Variants in ATF6 observed in about 807,000 individuals in gnomAD.
ATF6 encodes the protein cyclic AMP-dependent transcription factor ATF-6 alpha.
Under a neutral mutation model 83.6 loss-of-function variants are expected in ATF6, and 53 were observed. The ratio of observed to expected loss-of-function variants is 0.63; its 90% CI spans 0.51 to 0.80. The LOEUF (loss-of-function observed/expected upper bound fraction) is 0.80, where lower values mean the gene tolerates loss of function less well. ATF6 is among the 30% of genes least tolerant of loss of function. The pLI is 0.00. For missense variants in ATF6, 744 were observed against 797.9 expected, an observed-to-expected ratio of 0.93 and a Z score of 0.81; for synonymous variants, 288 against 285.8, an observed-to-expected ratio of 1.01 and a Z score of -0.08.
chr1:161,925,428 A>G (rs1292551519), intron 15 of ATF6, among the ~76,000 whole-genome samples: 1 of 145,628 alleles, frequency 6.9e-6, no homozygotes, highest in Non-Finnish European at 1.5e-5. Flanking sequence ...TGAATTTAGA[A>G]CTGTGTTTTT....
At chr1:161,858,828 T>A (rs1356506392) in intron 12 of ATF6, among the ~76,000 whole-genome samples, 1 of 152,184 alleles carries the variant, frequency 6.6e-6, no homozygotes, top group Non-Finnish European at 1.5e-5. Flanking sequence ...GTAAACGGAA[T>A]ATCTGTTTTC....
chr1:161,795,483 A>T (rs557103805), intron 6 of ATF6, among the ~76,000 whole-genome samples: 13 of 152,220 alleles, frequency 8.5e-5, no homozygotes, highest in Non-Finnish European at 1.8e-4. Flanking sequence ...AGTACAGATT[A>T]TTTGCCCTAA....
At chr1:161,781,108 A>G (rs1461971877) in intron 2 of ATF6, among the ~76,000 whole-genome samples, 2 of 152,176 alleles carry the variant, frequency 1.3e-5, no homozygotes, top group African/African-American at 4.8e-5. Context: ...TACTAACTTG[A>G]TCTCAGACTT....
At chr1:161,858,671 GA>G (rs1686816362) in intron 12 of ATF6, among the ~76,000 whole-genome samples, 1 of 152,168 alleles carries the variant, frequency 6.6e-6, no homozygotes, top group African/African-American at 2.4e-5. Context: ...CATAACTGGA[GA>G]TTTTAACATC....
At chr1:161,811,760 C>CATCT (rs1685467845) in intron 7 of ATF6, among the ~76,000 whole-genome samples, 1 of 127,750 alleles carries the variant, frequency 7.8e-6, no homozygotes, top group African/African-American at 2.9e-5. Flanking sequence ...ACCATCCAAC[C>CATCT]ATCCATCCAT....
intron 6 of ATF6, among the ~76,000 whole-genome samples, chr1:161,797,519 C>T (rs560466862): frequency 6.6e-6 from 1 of 152,184 alleles, no homozygotes; most frequent in South Asian, 2.1e-4. Flanking sequence ...TTTCTATACC[C>T]CAGTAATGTC....
At chr1:161,912,677 G>A (rs1688015255) in intron 15 of ATF6, among the ~76,000 whole-genome samples, 2 of 152,128 alleles carry the variant, frequency 1.3e-5, no homozygotes, top group Admixed American at 1.3e-4. Flanking sequence ...TGTAGTGTAA[G>A]AAGCCCCTGC....
intron 9 of ATF6, among the ~76,000 whole-genome samples, chr1:161,845,978 T>G (rs1457053672): frequency 1.3e-5 from 2 of 152,138 alleles, no homozygotes; most frequent in East Asian, 3.9e-4. Flanking sequence ...TAGCTTTATC[T>G]GATAGCCTGC....
At chr1:161,869,903 T>G (rs189815447) in intron 14 of ATF6, among the ~76,000 whole-genome samples, 7 of 151,946 alleles carry the variant, frequency 4.6e-5, no homozygotes, top group Admixed American at 2.0e-4. Context: ...ACAAGTATTC[T>G]TAGTCCTATT....
At chr1:161,893,013 C>T (rs778824759) in intron 14 of ATF6, among the ~76,000 whole-genome samples, 3 of 152,142 alleles carry the variant, frequency 2.0e-5, no homozygotes, top group Non-Finnish European at 4.4e-5. Flanking sequence ...ATTGTCTTCT[C>T]AACAGTAAGC....
chr1:161,772,036 T>C (rs942680341), intron 1 of ATF6, among the ~76,000 whole-genome samples: 3 of 152,246 alleles, frequency 2.0e-5, no homozygotes, highest in Admixed American at 6.5e-5. Flanking sequence ...TCTGACTGCC[T>C]TCGCCTGTTT....
chr1:161,953,307 G>A (rs966464260), intron 15 of ATF6, among the ~76,000 whole-genome samples: 1 of 152,100 alleles, frequency 6.6e-6, no homozygotes, highest in Non-Finnish European at 1.5e-5. Context: ...TCACAGAACG[G>A]CCAGCATCCC....
chr1:161,942,386 G>A (rs1042437520), intron 15 of ATF6, among the ~76,000 whole-genome samples: 9 of 152,204 alleles, frequency 5.9e-5, no homozygotes, highest in Non-Finnish European at 1.3e-4. Flanking sequence ...GCTCCAGAAT[G>A]CAGTGACACC....
rs972766076 is a variant in ATF6, at chr1:161,961,638, G to A, written c.*2984G>A. The stretch of plus-strand genomic sequence containing the variant: ...CAGCCAGAAATTGTGGGTAATGTGT[G>A]TATTTTTTTATTTATTAAATTTTAA... On this transcript the variant is annotated 3_prime_UTR_variant, in exon 16 of 16. Transcript: ENST00000367942. 2.7e-5 allele frequency: 4 copies of A among 150,538 alleles called. No homozygotes were observed. Among genetic ancestry groups the A allele is most frequent in the African/African-American group, 9.8e-5 (4 of 41,006 alleles). The allele number at this position is 150,538 out of a possible 1,614,324, so 9.3% of individuals were successfully genotyped here. A position where few individuals can be genotyped will look rare whatever the true frequency, so the allele number is the denominator to read the frequency against.
chr1:161,785,880 A>G (rs1446422274), intron 4 of ATF6, among the ~76,000 whole-genome samples: 1 of 152,090 alleles, frequency 6.6e-6, no homozygotes, highest in Non-Finnish European at 1.5e-5. Flanking sequence ...TTTTATTATA[A>G]GTATGGTTAA....
chr1:161,843,255 C>G (rs555681754), intron 9 of ATF6, among the ~76,000 whole-genome samples: 1 of 151,040 alleles, frequency 6.6e-6, no homozygotes, highest in Admixed American at 6.7e-5. Flanking sequence ...AGTATGCAAA[C>G]TCCACACAGA....
At position 161,897,303 on chromosome 1, in the gene ATF6, A is replaced by ATGCACC. The variant is rs547662773; in HGVS notation, c.1720-14990_1720-14985dup. 8.4e-3 allele frequency among the ~76,000 whole-genome samples: 1,269 copies of ATGCACC among 151,900 alleles called. 9 individuals are homozygous for ATGCACC. Among genetic ancestry groups the ATGCACC allele is most frequent in the Middle Eastern group, 0.02 (6 of 294 alleles). ...CAAAAAGTTAGCCGGGCATGGTGGC[A>ATGCACC]TGCACCTGTAGTCCCAGCTACTCAC... On this transcript the variant is annotated intron_variant, in intron 14 of 15. Coordinates refer to ENST00000367942, the MANE Select transcript of ATF6 (RefSeq NM_007348.4).
chr1:161,855,384 C>T (rs1275211179), intron 12 of ATF6, among the ~76,000 whole-genome samples: 1 of 152,184 alleles, frequency 6.6e-6, no homozygotes. Flanking sequence ...ATTGGTGATA[C>T]CATTTACTGA....
intron 15 of ATF6, among the ~76,000 whole-genome samples, chr1:161,942,571 A>G (rs1024055887): frequency 6.6e-5 from 10 of 152,242 alleles, no homozygotes; most frequent in Admixed American, 5.9e-4. Context: ...CTGACTCCAC[A>G]CAATAACAAT....
Sources: gnomAD v4.1 joint callset for allele counts (sites outside exome capture counted in the v4.1 genomes callset) on GRCh38, gnomAD v4.1.1 for gene constraint, MANE v1.5 for transcripts, NCBI Gene and HGNC (gene_info 2026-07-23, HGNC 2026-07-21) for gene names.